LAMA4: variants seen among roughly 807,000 people sequenced by gnomAD.
The protein encoded by LAMA4 is laminin subunit alpha 4.
LAMA4 carries 127 observed loss-of-function variants against 207.1 expected under a neutral mutation model. The ratio of observed to expected loss-of-function variants is 0.61; its 90% CI spans 0.53 to 0.71. The LOEUF (loss-of-function observed/expected upper bound fraction) is 0.71, where lower values mean the gene tolerates loss of function less well. Among genes scored for constraint, LAMA4 ranks in the 30% least tolerant of loss-of-function variants. The probability of loss-of-function intolerance (pLI) is 0.00; values close to 1 mark genes in which losing one functional copy is unlikely to be tolerated. For synonymous variants in LAMA4, 761 were observed against 816.0 expected, an observed-to-expected ratio of 0.93 and a Z score of 1.15; for missense variants, 2,093 against 2,246.5, an observed-to-expected ratio of 0.93 and a Z score of 1.38.
chr6:112,215,358 A>G (rs533664732), intron 3 of LAMA4, among the ~76,000 whole-genome samples: 1 of 152,346 alleles, frequency 6.6e-6, no homozygotes, highest in East Asian at 1.9e-4. Flanking sequence ...ATCAATAAAA[A>G]CATTTGCATT....
chr6:112,201,069 T>C (rs1481279161), intron 5 of LAMA4, among the ~76,000 whole-genome samples: 2 of 151,136 alleles, frequency 1.3e-5, no homozygotes, highest in South Asian at 2.1e-4. Context: ...GAGTGTCATA[T>C]GTAAATACCA....
At chr6:112,133,577 C>T (rs1169185757) in intron 26 of LAMA4, 90 bp from the exon 27 acceptor site, 3 of 1,415,994 alleles carry the variant, frequency 2.1e-6, no homozygotes, top group African/African-American at 1.4e-5. Context: ...TATTTATAGT[C>T]ATTTGTAATG....
intron 12 of LAMA4, among the ~76,000 whole-genome samples, chr6:112,167,124 A>G (rs1781425439): frequency 6.6e-6 from 1 of 152,272 alleles, no homozygotes; most frequent in Non-Finnish European, 1.5e-5. Flanking sequence ...TACTGTTGGT[A>G]CATGTCAAAA....
intron 9 of LAMA4, chr6:112,180,025 C>A: frequency 2.3e-6 from 1 of 435,774 alleles, no homozygotes; most frequent in Admixed American, 3.0e-5. Context: ...AATATTACTC[C>A]TCCCTGCTTT....
Position 112,136,166 on chromosome 6 carries a change from T to A in LAMA4, c.3371A>T (p.Asp1124Val). The A allele has an allele frequency of 6.2e-7, 1 of 1,612,864 alleles. No individual in the cohort carries two copies. The highest frequency in any genetic ancestry group is 8.5e-7 in the Non-Finnish European group (1 of 1,179,070). The change falls in exon 25 of 39, where the codon GAT becomes GTT. Residue 1124 changes from aspartate to valine, a missense_variant. Physicochemically the swap from Asp to Val is radical, Grantham distance 152. Around this residue, in one of 3 missense-constraint regions of LAMA4, gnomAD observed 1,704 missense variants for 1,788.4 expected, o/e 0.95. Coordinates refer to ENST00000230538, the MANE Select transcript of LAMA4 (RefSeq NM_001105206.3). The stretch of plus-strand genomic sequence containing the variant: ...ATTAATTTGAGCTTTCTTTAACGTA[T>A]CTTCAAGATGCACAGGGCCACCGCT... ...GFSGGPVHLE[D>V]TLKKAQINDA...
chr6:112,193,021 C>T (rs1351852030), intron 5 of LAMA4, among the ~76,000 whole-genome samples: 1 of 152,216 alleles, frequency 6.6e-6, no homozygotes, highest in Non-Finnish European at 1.5e-5. Flanking sequence ...AAACTACATG[C>T]TTGTTGGCTG....
At position 112,172,550 on chromosome 6, in the gene LAMA4, T is replaced by G. The variant is rs1244082666; in HGVS notation, c.1551+61A>C. ...TAAAAAAATTTATATCAACAGCCCC[T>G]TCTTGGTGTACCATCACACTGCTGA... On this transcript the variant is annotated intron_variant, in intron 12 of 38. Transcript: ENST00000230538. 2.0e-6 allele frequency: 3 copies of G among 1,504,454 alleles called. No homozygotes were observed. The African/African-American group carries it at 4.1e-5, about 21-fold the overall frequency. The allele number at this position is 1,504,454 out of a possible 1,614,324, so 93.2% of individuals were successfully genotyped here.
intron 28 of LAMA4, 120 bp downstream of exon 28, chr6:112,132,633 C>T (rs1426067468): frequency 2.2e-6 from 2 of 912,268 alleles, no homozygotes; most frequent in African/African-American, 1.7e-5. Context: ...TTCTGTGTGT[C>T]TACGTGTGAG....
chr6:112,152,494 A>G (rs1554335962), intron 16 of LAMA4, among the ~76,000 whole-genome samples: 1 of 152,096 alleles, frequency 6.6e-6, no homozygotes, highest in Non-Finnish European at 1.5e-5. Flanking sequence ...ATCTGAACTA[A>G]AGGATCAACT....
intron 5 of LAMA4, among the ~76,000 whole-genome samples, chr6:112,194,848 T>C (rs1365584587): frequency 2.0e-5 from 3 of 152,180 alleles, no homozygotes; most frequent in Non-Finnish European, 2.9e-5. Context: ...TCCTATTTTT[T>C]CTTCCGTAAT....
At chr6:112,219,911 A>C (rs1359947303) in intron 2 of LAMA4, among the ~76,000 whole-genome samples, 1 of 152,092 alleles carries the variant, frequency 6.6e-6, no homozygotes, top group Non-Finnish European at 1.5e-5. Flanking sequence ...TAGATCCTTC[A>C]TTTTTTCCCT....
At position 112,185,222 on chromosome 6, in the gene LAMA4, T is replaced by TA; in HGVS notation, c.1077+14dup. On this transcript the variant is annotated intron_variant, in intron 9 of 38. Coordinates refer to ENST00000230538, the MANE Select transcript of LAMA4 (RefSeq NM_001105206.3). The stretch of plus-strand genomic sequence containing the variant: ...TTTGAAGGCTGTCCCAGAAACTGAA[T>TA]ACATACATACGTACCTTTTCAACTA... The TA allele has an allele frequency of 6.7e-7, 1 of 1,498,316 alleles. No homozygotes were observed. Among genetic ancestry groups the TA allele is most frequent in the Non-Finnish European group, 9.3e-7 (1 of 1,074,656 alleles). The allele number at this position is 1,498,316 out of a possible 1,614,324, so 92.8% of individuals were successfully genotyped here. A position where few individuals can be genotyped will look rare whatever the true frequency, so the allele number is the denominator to read the frequency against.
chr6:112,172,573 T>C, intron 12 of LAMA4, 38 bp downstream of exon 12: 1 of 1,599,108 alleles, frequency 6.3e-7, no homozygotes, highest in Non-Finnish European at 8.6e-7. Context: ...ATCACACTGC[T>C]GATGCTGAAA....
chr6:112,118,702 A>C lies in LAMA4; in HGVS notation c.4821+454T>G, dbSNP rs1778164526. Among the ~76,000 whole-genome samples the C allele has an allele frequency of 7.7e-6, 1 of 129,958 alleles. No homozygotes were observed. The highest frequency in any genetic ancestry group is 2.7e-4 in the South Asian group (1 of 3,724). 85.3% of individuals were successfully genotyped at this position (129,958 alleles called of 152,430 possible). On this transcript the variant is annotated intron_variant, in intron 34 of 38. Coordinates refer to ENST00000230538, the MANE Select transcript of LAMA4 (RefSeq NM_001105206.3). The surrounding 1 kb of genome is among the most constrained non-coding windows in gnomAD (Gnocchi z 4.6). ...ACCACATTTCCTTATACATTTACAAATTGTGTGTGTGTGTGTGTATGTGTG... is the reference window on the plus strand; with the variant it reads ...ACCACATTTCCTTATACATTTACAACTTGTGTGTGTGTGTGTGTATGTGTG...
Position 112,118,933 on chromosome 6 carries a change from A to T in LAMA4, c.4821+223T>A, listed in dbSNP as rs1778186042. Among the ~76,000 whole-genome samples the T allele has an allele frequency of 1.3e-5, 2 of 152,170 alleles. No individual in the cohort carries two copies. The highest frequency in any genetic ancestry group is 6.5e-5 in the Admixed American group (1 of 15,272). ...TAATTTATGCCTCTGAAACTTTTTC[A>T]TTTGACATCTACCTTAGAATTGAAA... is the stretch of plus-strand genomic sequence containing the variant. On this transcript the variant is annotated intron_variant, in intron 34 of 38. Transcript: ENST00000230538. This position sits in a 1 kb window ranked among gnomAD's most constrained non-coding sequence, Gnocchi z 4.6.
In LAMA4 at chr6:112,220,336, G is replaced by C. The variant is rs557285262; in HGVS notation, c.196-3867C>G. Among the ~76,000 whole-genome samples, 7 of 152,162 alleles carry C rather than the reference G, an allele frequency of 4.6e-5. No homozygotes were observed. The South Asian group carries it at 1.5e-3, about 32-fold the overall frequency. ...ATTTACTTCTGCCTTTGAAAAATAA[G>C]AGTGAAAATTCCCATTTGCTTACTT... On this transcript the variant is annotated intron_variant, in intron 2 of 38. Coordinates refer to ENST00000230538, the MANE Select transcript of LAMA4 (RefSeq NM_001105206.3).
chr6:112,227,082 TTTA>T (rs1785261712), intron 2 of LAMA4, among the ~76,000 whole-genome samples: 1 of 150,186 alleles, frequency 6.7e-6, no homozygotes, highest in African/African-American at 2.5e-5. Context: ...TATTTATTTA[TTTA>T]TATTGAGACG....
chr6:112,144,728 G>T, intron 19 of LAMA4, 66 bp downstream of exon 19: 2 of 1,565,632 alleles, frequency 1.3e-6, no homozygotes, highest in Non-Finnish European at 8.7e-7. Context: ...AGCTGCCCAA[G>T]CAGTTGGAGC....
At chr6:112,199,608 T>C (rs1783616832) in intron 5 of LAMA4, among the ~76,000 whole-genome samples, 1 of 152,164 alleles carries the variant, frequency 6.6e-6, no homozygotes, top group Admixed American at 6.5e-5. Context: ...GAAATTCATG[T>C]GGACCCTAAG....
Sources: gnomAD v4.1 joint callset for allele counts (sites outside exome capture counted in the v4.1 genomes callset) on GRCh38, gnomAD v4.1.1 for gene constraint, gnomAD v4.1.1 regional missense constraint, Gnocchi (gnomAD v3.1) non-coding constraint, MANE v1.5 for transcripts, NCBI Gene and HGNC (gene_info 2026-07-23, HGNC 2026-07-21) for gene names.